The following PACS1 variants were observed in gnomAD, a reference collection of about 807,000 sequenced individuals.
PACS1 encodes phosphofurin acidic cluster sorting protein 1, also known as PACS-1.
Under a neutral mutation model 115.0 loss-of-function variants are expected in PACS1, and 24 were observed. The observed-to-expected ratio is 0.21, with a 90% CI of 0.15 to 0.29. PACS1 has a LOEUF of 0.29. PACS1 is among the 10% of genes least tolerant of loss of function. The probability of loss-of-function intolerance (pLI) is 1.00; values close to 1 mark genes in which losing one functional copy is unlikely to be tolerated. For missense variants in PACS1, 838 were observed against 1,251.2 expected, an observed-to-expected ratio of 0.67 and a Z score of 4.98; for synonymous variants, 453 against 504.5, an observed-to-expected ratio of 0.90 and a Z score of 1.37.
chr11:66,088,116 T>A (rs1857603274), intron 1 of PACS1, among the ~76,000 whole-genome samples: 1 of 152,058 alleles, frequency 6.6e-6, no homozygotes, highest in African/African-American at 2.4e-5. Flanking sequence ...TAGGAGTTGT[T>A]TTTCTCAAAA....
At chr11:66,098,639 T>C (rs1857840120) in intron 1 of PACS1, among the ~76,000 whole-genome samples, 1 of 152,220 alleles carries the variant, frequency 6.6e-6, no homozygotes, top group Non-Finnish European at 1.5e-5. Flanking sequence ...ATTCACAGTT[T>C]GCTGCCCCAA....
At chr11:66,175,181 T>A (rs938623682) in intron 1 of PACS1, among the ~76,000 whole-genome samples, 4 of 148,926 alleles carry the variant, frequency 2.7e-5, no homozygotes, top group Non-Finnish European at 5.9e-5. Flanking sequence ...GAAAAAAAAA[T>A]GGTGAATTTT....
At chr11:66,105,956 G>A (rs572167833) in intron 1 of PACS1, among the ~76,000 whole-genome samples, 1 of 152,164 alleles carries the variant, frequency 6.6e-6, no homozygotes, top group Non-Finnish European at 1.5e-5. Context: ...GGGTAGAAAG[G>A]AGTGGCCTGG....
intron 1 of PACS1, among the ~76,000 whole-genome samples, chr11:66,146,596 C>T (rs527924027): frequency 6.6e-6 from 1 of 151,982 alleles, no homozygotes; most frequent in Non-Finnish European, 1.5e-5. Flanking sequence ...CAGACTCCTA[C>T]AAGGAAAGGA....
intron 1 of PACS1, among the ~76,000 whole-genome samples, chr11:66,166,795 G>A (rs1859613797): frequency 6.7e-6 from 1 of 150,288 alleles, no homozygotes; most frequent in African/African-American, 2.5e-5. Flanking sequence ...AACTTATAAT[G>A]GGCCAGGCAG....
intron 1 of PACS1, among the ~76,000 whole-genome samples, chr11:66,121,320 C>T (rs1051249840): frequency 3.3e-5 from 5 of 152,138 alleles, no homozygotes; most frequent in African/African-American, 1.2e-4. Flanking sequence ...CATCTCTCTT[C>T]CTCTCCTCAG....
At chr11:66,223,551 G>A (rs1855405028) in intron 10 of PACS1, among the ~76,000 whole-genome samples, 1 of 152,134 alleles carries the variant, frequency 6.6e-6, no homozygotes, top group Non-Finnish European at 1.5e-5. Context: ...TGAATTGACA[G>A]CATCCACATG....
intron 1 of PACS1, among the ~76,000 whole-genome samples, chr11:66,132,787 G>C (rs1329202852): frequency 1.3e-5 from 2 of 152,132 alleles, no homozygotes; most frequent in African/African-American, 4.8e-5. Flanking sequence ...TCATGCCTTA[G>C]TCTGCTGATT....
At chr11:66,176,490 T>A (rs535790072) in intron 1 of PACS1, among the ~76,000 whole-genome samples, 54 of 151,556 alleles carry the variant, frequency 3.6e-4, no homozygotes, top group African/African-American at 1.3e-3. Flanking sequence ...CTCGGCTCAC[T>A]GCAACGTCTG....
At chr11:66,222,687 A>C (rs1457512453) in intron 10 of PACS1, among the ~76,000 whole-genome samples, 4 of 152,152 alleles carry the variant, frequency 2.6e-5, no homozygotes, top group African/African-American at 9.7e-5. Context: ...CACCAGGGGG[A>C]ATACCAAACT....
intron 2 of PACS1, among the ~76,000 whole-genome samples, chr11:66,201,008 C>G (rs1167274736): frequency 6.6e-6 from 1 of 151,904 alleles, no homozygotes; most frequent in East Asian, 1.9e-4. Flanking sequence ...ATCATGAGAT[C>G]AGGAGATCCA....
At position 66,117,460 on chromosome 11, in the gene PACS1, C is replaced by CG. The variant is rs1554978432; in HGVS notation, c.356+46618_356+46619insG. On this transcript the variant is annotated intron_variant, in intron 1 of 23. Coordinates refer to ENST00000320580, the MANE Select transcript of PACS1 (RefSeq NM_018026.4). ...GGGCAATAAGAGGAAAACTCCATCT[C>CG]AAAAAAAAAAAAAAGAGAGAAAAGA... Among the ~76,000 whole-genome samples, 3 of 130,128 alleles carry CG rather than the reference C, an allele frequency of 2.3e-5. No individual in the cohort carries two copies. In the East Asian group the frequency reaches 6.8e-4, roughly 29 times the overall value. 85.4% of individuals were successfully genotyped at this position (130,128 alleles called of 152,430 possible).
chr11:66,214,032 C>CAAAAAAAAAAAAAAAAAAA lies in PACS1; in HGVS notation c.661-2080_661-2062dup, dbSNP rs71036278. Among the ~76,000 whole-genome samples, 2 of 42,982 alleles carry CAAAAAAAAAAAAAAAAAAA rather than the reference C, an allele frequency of 4.7e-5. 1 individual carries two copies. The highest frequency in any genetic ancestry group is 7.5e-5 in the Non-Finnish European group (2 of 26,666). 28.2% of individuals were successfully genotyped at this position (42,982 alleles called of 152,430 possible). On this transcript the variant is annotated intron_variant, in intron 4 of 23. Coordinates refer to ENST00000320580, the MANE Select transcript of PACS1 (RefSeq NM_018026.4). ...TGGGCGACAGCGCGAGACTCCATCTCAAAAAAAAAAAAAAAAAAAAAAAAA... is the reference window on the plus strand; with the variant it reads ...TGGGCGACAGCGCGAGACTCCATCTCAAAAAAAAAAAAAAAAAAAAAAAAAAAAAAAAAAAAAAAAAAAA...
chr11:66,114,046 A>G (rs1426574481), intron 1 of PACS1, among the ~76,000 whole-genome samples: 7 of 152,088 alleles, frequency 4.6e-5, no homozygotes, highest in Non-Finnish European at 4.4e-5. Context: ...GACATAGGAC[A>G]TGTGTACAGA....
intron 7 of PACS1, chr11:66,218,378 C>T (rs1397875696): frequency 1.3e-5 from 2 of 152,166 alleles, no homozygotes; most frequent in Non-Finnish European, 2.9e-5. Flanking sequence ...CACATTTCAA[C>T]AAATAATTAC....
At chr11:66,110,520 C>T (rs1243686391) in intron 1 of PACS1, among the ~76,000 whole-genome samples, 3 of 152,006 alleles carry the variant, frequency 2.0e-5, no homozygotes, top group Non-Finnish European at 4.4e-5. Context: ...GCATATTCCA[C>T]AAAAAACTCT....
intron 1 of PACS1, among the ~76,000 whole-genome samples, chr11:66,075,101 C>T (rs1857373608): frequency 6.6e-6 from 1 of 151,936 alleles, no homozygotes; most frequent in Non-Finnish European, 1.5e-5. Context: ...TGCCACCACA[C>T]CTGGCTAATT....
intron 1 of PACS1, among the ~76,000 whole-genome samples, chr11:66,142,099 C>T (rs570439362): frequency 7.2e-5 from 11 of 151,878 alleles, no homozygotes; most frequent in Middle Eastern, 3.4e-3. Context: ...CATGAGTCAC[C>T]GCTCCCGGCC....
intron 1 of PACS1, among the ~76,000 whole-genome samples, chr11:66,099,910 G>T (rs774071895): frequency 1.3e-5 from 2 of 148,650 alleles, no homozygotes; most frequent in Non-Finnish European, 3.0e-5. Flanking sequence ...GTGCAATGGC[G>T]CAATCTCGGT....
Sources: allele counts gnomAD v4.1 joint callset (sites outside exome capture counted in the v4.1 genomes callset), GRCh38; gene constraint gnomAD v4.1.1; transcripts MANE v1.5; gene names NCBI Gene and HGNC (gene_info 2026-07-23, HGNC 2026-07-21).